Variants in DPP10 observed in about 807,000 individuals in gnomAD.
The protein encoded by DPP10 is dipeptidyl peptidase like 10.
In DPP10, 33 loss-of-function variants were observed where a neutral mutation model predicts 120.9. The observed-to-expected ratio is 0.27, with a 90% CI of 0.21 to 0.37. The LOEUF (loss-of-function observed/expected upper bound fraction) is 0.37, where lower values mean the gene tolerates loss of function less well. DPP10 is among the 10% of genes least tolerant of loss of function. The pLI, the probability that DPP10 is intolerant of heterozygous loss-of-function variation, is 1.00. For synonymous variants in DPP10, 337 were observed against 326.1 expected (o/e 1.03, Z -0.36); for missense variants, 816 against 942.8 (o/e 0.87, Z 1.76).
chr2:115,021,204 A>G (rs1022235531), intron 1 of DPP10, among the ~76,000 whole-genome samples: 5 of 152,128 alleles, frequency 3.3e-5, no homozygotes, highest in African/African-American at 9.6e-5. Flanking sequence ...AAACAACAAC[A>G]ACAAAAAAGA....
At chr2:115,221,284 T>A (rs970429110) in intron 1 of DPP10, among the ~76,000 whole-genome samples, 1 of 152,178 alleles carries the variant, frequency 6.6e-6, no homozygotes, top group Non-Finnish European at 1.5e-5. Flanking sequence ...GAGAATGTTC[T>A]CTTTAGGGTA....
In DPP10 at chr2:115,552,771, A is replaced by T. The variant is rs562854262; in HGVS notation, c.441+26799A>T. 2.6e-5 allele frequency among the ~76,000 whole-genome samples: 4 copies of T among 152,222 alleles called. No individual in the cohort carries two copies. In the South Asian group the frequency reaches 8.3e-4, roughly 32 times the overall value. ...AAAAACCTTACTCAGAAACCTCAAG[A>T]TCATGATTTAGGCTGGGATAGCATT... On this transcript the variant is annotated intron_variant, in intron 5 of 25. Transcript: ENST00000410059.
At chr2:115,059,685 GAAAA>G (rs34515129) in intron 1 of DPP10, among the ~76,000 whole-genome samples, 3 of 116,346 alleles carry the variant, frequency 2.6e-5, no homozygotes, top group South Asian at 3.0e-4. Flanking sequence ...ACCTCAACAG[GAAAA>G]AAAAAAAAAA....
rs2078123784 is a variant in DPP10 at position 115,526,151 on chromosome 2, T to C, written c.441+179T>C. 17 of 510,428 alleles carry C rather than the reference T, an allele frequency of 3.3e-5. 1 individual carries two copies. The South Asian group carries it at 4.4e-4, about 13-fold the overall frequency. 31.6% of individuals were successfully genotyped at this position (510,428 alleles called of 1,614,324 possible). The stretch of plus-strand genomic sequence containing the variant: ...GAAGATAATGTCCAAACATCTTCCA[T>C]ATCTGCACAGCAAATAATTGGGACA... On this transcript the variant is annotated intron_variant, in intron 5 of 25. Coordinates refer to ENST00000410059, the MANE Select transcript of DPP10 (RefSeq NM_020868.6).
chr2:115,334,228 C>CTTTTTTTTTTTTTTTTT (rs1393213758), intron 2 of DPP10, among the ~76,000 whole-genome samples: 4 of 22,326 alleles, frequency 1.8e-4, no homozygotes, highest in Non-Finnish European at 3.9e-4. Context: ...AGAGCAGACT[C>CTTTTTTTTTTTTTTTTT]TGTTTTTTTT....
chr2:114,785,635 G>T (rs1233387024), intron 1 of DPP10, among the ~76,000 whole-genome samples: 2 of 152,136 alleles, frequency 1.3e-5, no homozygotes, highest in African/African-American at 4.8e-5. Flanking sequence ...CTATGCTCAG[G>T]AGTTTCACTG....
chr2:115,817,968 T>C (rs1461456188), intron 21 of DPP10, among the ~76,000 whole-genome samples: 2 of 151,804 alleles, frequency 1.3e-5, no homozygotes, highest in Non-Finnish European at 2.9e-5. Context: ...AATGGATATA[T>C]AATAATGGCA....
At chr2:114,854,599 T>C (rs962039583) in intron 1 of DPP10, among the ~76,000 whole-genome samples, 2 of 152,084 alleles carry the variant, frequency 1.3e-5, no homozygotes, top group Non-Finnish European at 2.9e-5. Flanking sequence ...ATATATCACC[T>C]TGGGAGGTAG....
At chr2:115,104,170 CTTTTTTTTTT>C (rs35125894) in intron 1 of DPP10, among the ~76,000 whole-genome samples, 5 of 84,650 alleles carry the variant, frequency 5.9e-5, no homozygotes, top group East Asian at 7.7e-4. Context: ...ATACATATGT[CTTTTTTTTTT>C]TTTTTTTTTT....
At chr2:115,354,281 G>A (rs1303620543) in intron 3 of DPP10, among the ~76,000 whole-genome samples, 2 of 152,070 alleles carry the variant, frequency 1.3e-5, no homozygotes, top group African/African-American at 2.4e-5. Context: ...CCCAGGTAAT[G>A]AGCATAGTAC....
intron 1 of DPP10, among the ~76,000 whole-genome samples, chr2:114,960,101 T>C (rs930223812): frequency 6.6e-6 from 1 of 152,126 alleles, no homozygotes. Context: ...AGTCAGATAA[T>C]ATAACTTACT....
At chr2:115,213,683 A>C (rs2056652479) in intron 1 of DPP10, among the ~76,000 whole-genome samples, 1 of 152,098 alleles carries the variant, frequency 6.6e-6, no homozygotes, top group Admixed American at 6.6e-5. Context: ...GTATTACTGC[A>C]GTTAATATTT....
chr2:115,824,433 C>A (rs891570545), intron 21 of DPP10, among the ~76,000 whole-genome samples: 2 of 152,114 alleles, frequency 1.3e-5, no homozygotes, highest in Non-Finnish European at 2.9e-5. Flanking sequence ...TTAAGCCCTG[C>A]ATGCATTAGG....
At chr2:114,657,266 TCAGA>T (rs1250302855) in intron 1 of DPP10, among the ~76,000 whole-genome samples, 3 of 152,206 alleles carry the variant, frequency 2.0e-5, no homozygotes, top group South Asian at 2.1e-4. Flanking sequence ...GTAGTCATCA[TCAGA>T]CAGTTAAAAA....
intron 1 of DPP10, among the ~76,000 whole-genome samples, chr2:115,087,678 C>T (rs980439652): frequency 3.3e-5 from 5 of 151,632 alleles, no homozygotes; most frequent in African/African-American, 4.8e-5. Flanking sequence ...CTCAGCCTCT[C>T]GAGTAGCTGG....
intron 1 of DPP10, among the ~76,000 whole-genome samples, chr2:115,029,456 G>GT (rs199567717): frequency 0.05 from 7,126 of 143,302 alleles, 242 homozygotes; most frequent in East Asian, 0.16. Context: ...GCACATTAGC[G>GT]TTTTTTTTTT....
chr2:115,306,755 G>T lies in DPP10; in HGVS notation c.61-2484G>T, dbSNP rs72955594. On this transcript the variant is annotated intron_variant, in intron 1 of 25. Transcript: ENST00000410059. ...CTTTATGAACAGAAAAATATGTCTCGCTCAAATTTGTTTTACCACTTTTTA... is the reference window on the plus strand; with the variant it reads ...CTTTATGAACAGAAAAATATGTCTCTCTCAAATTTGTTTTACCACTTTTTA... Among the ~76,000 whole-genome samples, 3 of 152,090 alleles carry T rather than the reference G, an allele frequency of 2.0e-5. No individual in the cohort carries two copies. In the South Asian group the frequency reaches 6.2e-4, roughly 32 times the overall value.
chr2:114,554,242 C>T (rs1573638219), intron 1 of DPP10, among the ~76,000 whole-genome samples: 2 of 152,336 alleles, frequency 1.3e-5, no homozygotes, highest in East Asian at 3.9e-4. Flanking sequence ...CCTTAAGGGG[C>T]TTTCTCCTTA....
chr2:114,862,742 A>G (rs1242170861), intron 1 of DPP10, among the ~76,000 whole-genome samples: 2 of 152,198 alleles, frequency 1.3e-5, no homozygotes, highest in Non-Finnish European at 2.9e-5. Flanking sequence ...GATTATTTAA[A>G]TAGAAGCAAT....
Sources: allele counts gnomAD v4.1 joint callset (sites outside exome capture counted in the v4.1 genomes callset), GRCh38; gene constraint gnomAD v4.1.1; transcripts MANE v1.5; gene names NCBI Gene and HGNC (gene_info 2026-07-23, HGNC 2026-07-21).